DCTN4: variants seen among roughly 807,000 people sequenced by gnomAD.
DCTN4 encodes the protein dynactin 4 (p62).
In DCTN4, 23 loss-of-function variants were observed where a neutral mutation model predicts 62.7. The ratio of observed to expected loss-of-function variants is 0.37; its 90% confidence interval spans 0.26 to 0.52. The LOEUF is 0.52. DCTN4 is among the 20% of genes least tolerant of loss of function. The probability of loss-of-function intolerance (pLI) is 0.92; values close to 1 mark genes in which losing one functional copy is unlikely to be tolerated. For missense variants in DCTN4, 514 were observed against 580.4 expected (o/e 0.89, Z 1.18); for synonymous variants, 199 against 202.1 (o/e 0.98, Z 0.13).
chr5:150,737,468 T>G (rs1760623893), intron 4 of DCTN4, among the ~76,000 whole-genome samples: 1 of 152,136 alleles, frequency 6.6e-6, no homozygotes, highest in African/African-American at 2.4e-5. Context: ...AAGGAACTCT[T>G]GAAACGATGC....
chr5:150,749,876 T>C (rs980461760), intron 3 of DCTN4, among the ~76,000 whole-genome samples: 9 of 152,038 alleles, frequency 5.9e-5, no homozygotes, highest in African/African-American at 2.2e-4. Context: ...ACAAACATGT[T>C]CATACAACAG....
chr5:150,755,475 G>C (rs1317740532), intron 2 of DCTN4: 3 of 454,914 alleles, frequency 6.6e-6, no homozygotes, highest in African/African-American at 2.0e-5. Flanking sequence ...AACACCAACA[G>C]TGACAAGTCA....
At position 150,750,344 on chromosome 5, in the gene DCTN4, A is replaced by T. The variant is rs76893049; in HGVS notation, c.385+3135T>A. ...CAAAAGTACTAAGAGCTGACAAGGA[A>T]CTGGAGCTACAGGTAGTTTACTCTT... is the stretch of plus-strand genomic sequence containing the variant. On this transcript the variant is annotated intron_variant, in intron 3 of 12. Transcript: ENST00000447998. Among the ~76,000 whole-genome samples the T allele has an allele frequency of 5.5e-3, 844 of 152,360 alleles. 7 individuals are homozygous for T. The highest frequency in any genetic ancestry group is 0.02 in the African/African-American group (819 of 41,588).
chr5:150,742,126 A>G lies in DCTN4; in HGVS notation c.417T>C (p.Pro139=), dbSNP rs1362508626. ...ACCCTTTACTTACCCGTTGTGTGTG[A>G]GGATTTTCAGGTTCCTGCCAACCGC... ...ASGGWQEPEN[P]HTQRMNKLIE... The change falls in exon 4 of 13, where the codon CCT becomes CCC. Residue 139 remains proline (P), a synonymous_variant. Coordinates refer to ENST00000447998, the MANE Select transcript of DCTN4 (RefSeq NM_016221.4). The G allele has an allele frequency of 2.5e-6, 4 of 1,614,080 alleles. No individual in the cohort carries two copies. Among genetic ancestry groups the G allele is most frequent in the Non-Finnish European group, 2.5e-6 (3 of 1,179,928 alleles).
chr5:150,711,689 G>A (rs1759572433), intron 12 of DCTN4, among the ~76,000 whole-genome samples: 1 of 151,964 alleles, frequency 6.6e-6, no homozygotes, highest in African/African-American at 2.4e-5. Flanking sequence ...ATATTAATAC[G>A]TATATTTTTT....
intron 8 of DCTN4, among the ~76,000 whole-genome samples, chr5:150,724,841 T>A (rs1199795167): frequency 1.3e-5 from 2 of 152,160 alleles, no homozygotes; most frequent in African/African-American, 4.8e-5. Context: ...ATACCTACCA[T>A]GCACTTTGCT....
At chr5:150,720,434 T>G (rs1759917096) in intron 9 of DCTN4, among the ~76,000 whole-genome samples, 1 of 151,034 alleles carries the variant, frequency 6.6e-6, no homozygotes, top group Non-Finnish European at 1.5e-5. Flanking sequence ...ACCCCACTTC[T>G]AAGAATTTGA....
At chr5:150,743,854 A>G (rs1760860102) in intron 3 of DCTN4, among the ~76,000 whole-genome samples, 1 of 152,216 alleles carries the variant, frequency 6.6e-6, no homozygotes, top group African/African-American at 2.4e-5. Flanking sequence ...ACAGAGCAGA[A>G]AAACTGGAAA....
intron 9 of DCTN4, 125 bp downstream of exon 9, chr5:150,722,782 C>T: frequency 1.6e-6 from 1 of 642,932 alleles, no homozygotes; most frequent in East Asian, 2.9e-5. Context: ...AACAGAATGT[C>T]AAGATTATTT....
In DCTN4 at chr5:150,708,656, C is replaced by T. The variant is rs138212469; in HGVS notation, c.*2493G>A. 67 of 152,940 alleles carry T rather than the reference C, an allele frequency of 4.4e-4. No homozygotes were observed. The highest frequency in any genetic ancestry group is 1.6e-3 in the African/African-American group (67 of 41,580). The allele number at this position is 152,940 out of a possible 1,614,324, so 9.5% of individuals were successfully genotyped here. A position where few individuals can be genotyped will look rare whatever the true frequency, so the allele number is the denominator to read the frequency against. On this transcript the variant is annotated 3_prime_UTR_variant, in exon 13 of 13. Coordinates refer to ENST00000447998, the MANE Select transcript of DCTN4 (RefSeq NM_016221.4). Reference sequence around the variant, plus strand: ...AATGGAAGGGAGCATGCCCCACCAACTCTCTTAGCCAACTCTCTTAACTTC... The same window carrying T: ...AATGGAAGGGAGCATGCCCCACCAATTCTCTTAGCCAACTCTCTTAACTTC...
chr5:150,755,430 T>G, intron 2 of DCTN4: 1 of 424,416 alleles, frequency 2.4e-6, no homozygotes, highest in Non-Finnish European at 4.7e-6. Flanking sequence ...TGGAGAAACC[T>G]GACAAACACT....
rs530792564 is a variant in DCTN4, at chr5:150,749,392, G to T, written c.385+4087C>A. Among the ~76,000 whole-genome samples, 658 of 152,324 alleles carry T rather than the reference G, an allele frequency of 4.3e-3. 4 individuals are homozygous for T. Among genetic ancestry groups the T allele is most frequent in the African/African-American group, 0.015 (630 of 41,566 alleles). ...AGAAAATGCAAATTAAAACCACAGT[G>T]AAGTACTGCTGTACATGTGCTAGAA... is the stretch of plus-strand genomic sequence containing the variant. On this transcript the variant is annotated intron_variant, in intron 3 of 12. Transcript: ENST00000447998.
chr5:150,753,631 C>T lies in DCTN4; in HGVS notation c.233G>A (p.Gly78Asp). The change falls in exon 3 of 13, where the codon GGC (glycine) becomes GAC (aspartate). Residue 78 changes from glycine (G) to aspartate (D), a missense_variant. Physicochemically the swap from Gly to Asp is moderately conservative, Grantham distance 94. Coordinates refer to ENST00000447998, the MANE Select transcript of DCTN4 (RefSeq NM_016221.4). ...NRCANCFDCP[G>D]CMHTLSTRAT... Reference sequence around the variant, plus strand: ...CCGAGTAGAGAGGGTGTGCATGCAGCCAGGACAGTCAAAACAATTGGCACA... The same window carrying T: ...CCGAGTAGAGAGGGTGTGCATGCAGTCAGGACAGTCAAAACAATTGGCACA... 6.2e-7 allele frequency: 1 copy of T among 1,613,140 alleles called. No individual in the cohort carries two copies. Among genetic ancestry groups the T allele is most frequent in the Non-Finnish European group, 8.5e-7 (1 of 1,179,476 alleles).
chr5:150,715,807 GT>G, intron 11 of DCTN4, 145 bp from the exon 12 acceptor site: 1 of 640,300 alleles, frequency 1.6e-6, no homozygotes. Context: ...AAGAACAAAG[GT>G]TTTAAGAGAA....
chr5:150,732,128 CA>C (rs1760397040), intron 5 of DCTN4, among the ~76,000 whole-genome samples: 1 of 152,104 alleles, frequency 6.6e-6, no homozygotes. Flanking sequence ...AGGTGCTTTG[CA>C]AGTGTTAATG....
At position 150,758,998 on chromosome 5, in the gene DCTN4, G is replaced by C; in HGVS notation, c.-5C>G. The C allele has an allele frequency of 6.2e-7, 1 of 1,613,516 alleles. No homozygotes were observed. Among genetic ancestry groups the C allele is most frequent in the Non-Finnish European group, 8.5e-7 (1 of 1,179,544 alleles). On this transcript the variant is annotated 5_prime_UTR_variant, in exon 1 of 13. Coordinates refer to ENST00000447998, the MANE Select transcript of DCTN4 (RefSeq NM_016221.4). ...CGACTGCAGCAAGGACGCCATCTTG[G>C]GGAGGGAGGAGGCGATGACGCTCCC...
intron 8 of DCTN4, among the ~76,000 whole-genome samples, chr5:150,728,200 TTTA>T (rs1760224628): frequency 6.6e-6 from 1 of 152,216 alleles, no homozygotes; most frequent in African/African-American, 2.4e-5. Flanking sequence ...TCTTAGCCTA[TTTA>T]TTATTATAAA....
chr5:150,738,477 A>T (rs1262528567), intron 4 of DCTN4, among the ~76,000 whole-genome samples: 2 of 152,232 alleles, frequency 1.3e-5, no homozygotes, highest in Non-Finnish European at 2.9e-5. Flanking sequence ...AAGTCAATAA[A>T]TGTAATACAC....
chr5:150,730,930 T>G, intron 7 of DCTN4, 114 bp downstream of exon 7: 1 of 783,598 alleles, frequency 1.3e-6, no homozygotes, highest in South Asian at 1.7e-5. Context: ...TTCTACATAT[T>G]GTTTTTACTA....
Sources: gnomAD v4.1 joint callset for allele counts (sites outside exome capture counted in the v4.1 genomes callset) on GRCh38, gnomAD v4.1.1 for gene constraint, MANE v1.5 for transcripts, NCBI Gene and HGNC (gene_info 2026-07-23, HGNC 2026-07-21) for gene names.